The following PLEKHD1 variants were observed in gnomAD, a reference collection of about 807,000 sequenced individuals.
PLEKHD1 encodes pleckstrin homology domain-containing family D member 1.
PLEKHD1 carries 51 observed loss-of-function variants against 69.2 expected under a neutral mutation model. The observed-to-expected ratio is 0.74, with a 90% CI of 0.59 to 0.93. PLEKHD1 has a LOEUF of 0.93. Among genes scored for constraint, PLEKHD1 ranks in the 40% least tolerant of loss-of-function variants. PLEKHD1 has a pLI of 0.00. For synonymous variants in PLEKHD1, 236 were observed against 244.7 expected (o/e 0.96, Z 0.33); for missense variants, 584 against 641.0 (o/e 0.91, Z 0.96).
At chr14:69,508,013 T>G (rs1449541328) in intron 6 of PLEKHD1, among the ~76,000 whole-genome samples, 1 of 152,252 alleles carries the variant, frequency 6.6e-6, no homozygotes, top group East Asian at 1.9e-4. Context: ...GCCACTTTCA[T>G]GAGTTTAGCG....
At chr14:69,515,687 A>AAG (rs1276274795) in intron 6 of PLEKHD1, among the ~76,000 whole-genome samples, 1 of 152,164 alleles carries the variant, frequency 6.6e-6, no homozygotes, top group Non-Finnish European at 1.5e-5. Flanking sequence ...GAGCAGGAGC[A>AAG]AGAGAGAGAG....
intron 6 of PLEKHD1, among the ~76,000 whole-genome samples, chr14:69,510,303 AT>A (rs1883242748): frequency 6.6e-6 from 1 of 152,260 alleles, no homozygotes; most frequent in Non-Finnish European, 1.5e-5. Flanking sequence ...TCTTGCAAAT[AT>A]TGAATCATCC....
chr14:69,509,798 C>G (rs901038687), intron 6 of PLEKHD1, among the ~76,000 whole-genome samples: 2 of 151,946 alleles, frequency 1.3e-5, no homozygotes, highest in Admixed American at 1.3e-4. Flanking sequence ...ATTAGCCAGG[C>G]GTGGTGGCGG....
intron 1 of PLEKHD1, among the ~76,000 whole-genome samples, chr14:69,491,166 C>T (rs1454723180): frequency 1.3e-5 from 2 of 152,190 alleles, no homozygotes; most frequent in Non-Finnish European, 2.9e-5. Flanking sequence ...GTACACGGTC[C>T]TTGTTGCACA....
At chr14:69,491,938 C>G (rs928016581) in intron 1 of PLEKHD1, among the ~76,000 whole-genome samples, 2 of 150,980 alleles carry the variant, frequency 1.3e-5, no homozygotes, top group African/African-American at 4.9e-5. Flanking sequence ...TGATTTGTAC[C>G]TCCCAATAAA....
At chr14:69,496,179 C>T (rs1158848537) in intron 1 of PLEKHD1, among the ~76,000 whole-genome samples, 1 of 152,208 alleles carries the variant, frequency 6.6e-6, no homozygotes, top group Non-Finnish European at 1.5e-5. Context: ...TGGTGGACCC[C>T]AGAGCCCTGT....
At position 69,513,036 on chromosome 14, in the gene PLEKHD1, T is replaced by C. The variant is rs749382255; in HGVS notation, c.556-9247T>C. ...ACCCAGGAGTTACAATGAGCTATGA[T>C]TGTACCACTGCACTTCAGCCTGGAT... On this transcript the variant is annotated intron_variant, in intron 6 of 12. Coordinates refer to ENST00000322564, the MANE Select transcript of PLEKHD1 (RefSeq NM_001161498.2). Among the ~76,000 whole-genome samples, 88 of 151,594 alleles carry C rather than the reference T, an allele frequency of 5.8e-4. 1 individual carries two copies. Among genetic ancestry groups the C allele is most frequent in the Non-Finnish European group, 9.9e-4 (67 of 67,948 alleles).
chr14:69,481,199 T>C (rs1329358326), upstream of PLEKHD1, among the ~76,000 whole-genome samples: 1 of 152,192 alleles, frequency 6.6e-6, no homozygotes, highest in East Asian at 1.9e-4. Context: ...GGCGTGCATC[T>C]GTAGTCCCAG....
Position 69,526,744 on chromosome 14 carries a change from A to C in PLEKHD1, c.971A>C (p.Glu324Ala). Residue 324 changes from glutamate (E) to alanine (A), a missense_variant, in exon 10 of 13, where the codon GAG becomes GCG. By Grantham distance (107) the Glu-to-Ala change is moderately radical. Coordinates refer to ENST00000322564, the MANE Select transcript of PLEKHD1 (RefSeq NM_001161498.2). The stretch of plus-strand genomic sequence containing the variant: ...TCACGGGCCCTGGAGGAGGAGCGTG[A>C]GTTCTACTCCAGCCAGTCCCAGGCA... The part of the protein sequence containing the change: ...ERSRALEEER[E>A]FYSSQSQALQ... 1 of 1,548,526 alleles carries C rather than the reference A, an allele frequency of 6.5e-7. No homozygotes were observed. Among genetic ancestry groups the C allele is most frequent in the Non-Finnish European group, 8.7e-7 (1 of 1,145,456 alleles).
At position 69,526,139 on chromosome 14, in the gene PLEKHD1, C is replaced by A; in HGVS notation, c.923+17C>A. Reference sequence around the variant, plus strand: ...AGAGAAGCGGTGAGGGAGCCCCGACCCCTGAAGACACCATTGACTTTGGGG... The same window carrying A: ...AGAGAAGCGGTGAGGGAGCCCCGACACCTGAAGACACCATTGACTTTGGGG... On this transcript the variant is annotated intron_variant, in intron 9 of 12. Transcript: ENST00000322564. 6.5e-7 allele frequency: 1 copy of A among 1,537,428 alleles called. No individual in the cohort carries two copies. Among genetic ancestry groups the A allele is most frequent in the South Asian group, 1.2e-5 (1 of 81,856 alleles).
At chr14:69,501,929 G>A in intron 5 of PLEKHD1, 104 bp downstream of exon 5, 2 of 1,014,890 alleles carry the variant, frequency 2.0e-6, no homozygotes, top group Non-Finnish European at 1.4e-6. Context: ...TCTCTCAGGT[G>A]GGGCTATGAG....
At chr14:69,520,227 A>AAGC (rs1455315192) in intron 6 of PLEKHD1, among the ~76,000 whole-genome samples, 1 of 149,516 alleles carries the variant, frequency 6.7e-6, no homozygotes, top group Non-Finnish European at 1.5e-5. Flanking sequence ...TTTCCAGTGT[A>AAGC]AGCCCAGGGA....
rs1162412450 is a variant in PLEKHD1 at position 69,506,891 on chromosome 14, C to CTTTTTTTTTTTTTTTTTTT, written c.555+4022_555+4040dup. On this transcript the variant is annotated intron_variant, in intron 6 of 12. Transcript: ENST00000322564. ...ACTGTCCTAAAAATCCTGGCAACTG[C>CTTTTTTTTTTTTTTTTTTT]TTTTTTTTTTTTTTTTTTTTTTTTT... Among the ~76,000 whole-genome samples the CTTTTTTTTTTTTTTTTTTT allele has an allele frequency of 1.2e-4, 9 of 78,062 alleles. 3 individuals are homozygous for CTTTTTTTTTTTTTTTTTTT. Among genetic ancestry groups the CTTTTTTTTTTTTTTTTTTT allele is most frequent in the African/African-American group, 2.3e-4 (4 of 17,422 alleles). 51.2% of individuals were successfully genotyped at this position (78,062 alleles called of 152,430 possible).
chr14:69,493,289 A>T (rs1381839971), intron 1 of PLEKHD1, among the ~76,000 whole-genome samples: 1 of 152,234 alleles, frequency 6.6e-6, no homozygotes, highest in East Asian at 1.9e-4. Flanking sequence ...AATTCCAGTC[A>T]CATGTAATGA....
At chr14:69,488,875 C>T (rs1185997491) in intron 1 of PLEKHD1, among the ~76,000 whole-genome samples, 1 of 152,228 alleles carries the variant, frequency 6.6e-6, no homozygotes, top group Admixed American at 6.5e-5. Flanking sequence ...GGTGCCTTTT[C>T]TGAGTCTCCT....
chr14:69,482,753 C>T (rs1882564322), upstream of PLEKHD1, among the ~76,000 whole-genome samples: 1 of 152,046 alleles, frequency 6.6e-6, no homozygotes, highest in African/African-American at 2.4e-5. Flanking sequence ...CCACAGGCTC[C>T]TAACACAAGT....
chr14:69,490,883 G>A (rs1028022315), intron 1 of PLEKHD1, among the ~76,000 whole-genome samples: 9 of 152,192 alleles, frequency 5.9e-5, no homozygotes, highest in African/African-American at 2.2e-4. Context: ...GAGGCTCGGA[G>A]AGGAGGGAGA....
At chr14:69,484,462 G>A (rs1320708941), upstream of PLEKHD1, among the ~76,000 whole-genome samples, 2 of 152,172 alleles carry the variant, frequency 1.3e-5, no homozygotes, top group South Asian at 2.1e-4. Flanking sequence ...ACCCCGGGGT[G>A]GTGTTGGGCG....
chr14:69,506,889 T>C (rs970793574), intron 6 of PLEKHD1, among the ~76,000 whole-genome samples: 1 of 137,836 alleles, frequency 7.3e-6, no homozygotes, highest in Admixed American at 7.3e-5. Flanking sequence ...TCCTGGCAAC[T>C]GCTTTTTTTT....
Sources: allele counts gnomAD v4.1 joint callset (sites outside exome capture counted in the v4.1 genomes callset), GRCh38; gene constraint gnomAD v4.1.1; transcripts MANE v1.5; gene names NCBI Gene and HGNC (gene_info 2026-07-23, HGNC 2026-07-21).